COX10: variants seen among roughly 807,000 people sequenced by gnomAD.
COX10 encodes protoheme IX farnesyltransferase, mitochondrial.
COX10 carries 27 observed loss-of-function variants against 37.3 expected under a neutral mutation model. The observed-to-expected ratio is 0.72, with a 90% CI of 0.53 to 1.00. COX10 has a LOEUF of 1.00. Ranked by LOEUF, COX10 falls within the 50% of genes least tolerant of loss-of-function variation. COX10 has a pLI of 0.00. For synonymous variants in COX10, 222 were observed against 229.1 expected (o/e 0.97, Z 0.28); for missense variants, 475 against 563.2 (o/e 0.84, Z 1.59).
intron 4 of COX10, among the ~76,000 whole-genome samples, chr17:14,145,199 G>A (rs1265649313): frequency 1.3e-5 from 2 of 148,352 alleles, no homozygotes; most frequent in East Asian, 2.0e-4. Context: ...GGGTGGGTGG[G>A]GGCGCTGTGT....
intron 4 of COX10, among the ~76,000 whole-genome samples, chr17:14,141,606 G>GAATAA (rs1272014799): frequency 1.3e-5 from 2 of 151,196 alleles, no homozygotes; most frequent in Non-Finnish European, 2.9e-5. Flanking sequence ...TCTCATTGTG[G>GAATAA]AATAAAAGTC....
intron 5 of COX10, chr17:14,182,204 G>A: frequency 3.5e-6 from 3 of 866,476 alleles, no homozygotes; most frequent in Non-Finnish European, 4.2e-6. Flanking sequence ...TGAGGTGGGA[G>A]AATCACTTGA....
chr17:14,175,083 C>CGGCGG (rs1210479535), intron 5 of COX10, among the ~76,000 whole-genome samples: 2 of 16,364 alleles, frequency 1.2e-4, no homozygotes, highest in Admixed American at 2.3e-3. Context: ...TGGGAAATAG[C>CGGCGG]GGGGGGGGGG....
intron 4 of COX10, among the ~76,000 whole-genome samples, chr17:14,106,879 A>G (rs904599022): frequency 6.6e-6 from 1 of 152,154 alleles, no homozygotes; most frequent in Non-Finnish European, 1.5e-5. Flanking sequence ...TTGACTTATA[A>G]GGTGCAAATA....
intron 4 of COX10, among the ~76,000 whole-genome samples, chr17:14,124,326 A>G (rs1916289371): frequency 6.6e-6 from 1 of 152,200 alleles, no homozygotes; most frequent in African/African-American, 2.4e-5. Flanking sequence ...TATCAAAGAT[A>G]GGGAAGTAGA....
intron 3 of COX10, among the ~76,000 whole-genome samples, chr17:14,087,296 C>T (rs16949003): frequency 0.2 from 30,497 of 151,782 alleles, 3,314 homozygotes; most frequent in East Asian, 0.38. Context: ...TCTTTTGTAC[C>T]GTAGAGTCTT....
chr17:14,086,116 T>C (rs1393294867), intron 3 of COX10, among the ~76,000 whole-genome samples: 1 of 152,166 alleles, frequency 6.6e-6, no homozygotes, highest in Non-Finnish European at 1.5e-5. Flanking sequence ...AAATGTCTTA[T>C]GTTGTTTGTG....
chr17:14,114,210 A>G (rs560323613), intron 4 of COX10, among the ~76,000 whole-genome samples: 28 of 152,286 alleles, frequency 1.8e-4, no homozygotes, highest in African/African-American at 6.3e-4. Flanking sequence ...TACATTAAGT[A>G]TGGTACTCTA....
intron 2 of COX10, among the ~76,000 whole-genome samples, chr17:14,075,986 C>T (rs1185814565): frequency 1.4e-4 from 10 of 71,226 alleles, no homozygotes; most frequent in Admixed American, 1.4e-3. Context: ...AGCGAGGCTC[C>T]ATCTCAAAAA....
chr17:14,110,468 GA>G (rs762118803), intron 4 of COX10, among the ~76,000 whole-genome samples: 2 of 152,036 alleles, frequency 1.3e-5, no homozygotes, highest in Non-Finnish European at 2.9e-5. Context: ...ATACAATGTG[GA>G]CTTGGGGAGT....
intron 3 of COX10, among the ~76,000 whole-genome samples, chr17:14,079,244 A>G (rs1020293901): frequency 6.6e-6 from 1 of 152,280 alleles, no homozygotes; most frequent in Non-Finnish European, 1.5e-5. Context: ...TTTCCAAATA[A>G]GTATAGGTGA....
rs554186557 is a variant in COX10 at position 14,121,952 on chromosome 17, G to C, written c.624+19710G>C. ...CATGTGCATGTGTGTGGTGTGGAGA[G>C]GCCTAGAATGTCAGATGGCAAAAAG... On this transcript the variant is annotated intron_variant, in intron 4 of 6. Transcript: ENST00000261643. Among the ~76,000 whole-genome samples the C allele has an allele frequency of 4.6e-5, 7 of 152,204 alleles. No individual in the cohort carries two copies. The East Asian group carries it at 1.2e-3, about 25-fold the overall frequency.
intron 6 of COX10, among the ~76,000 whole-genome samples, chr17:14,196,375 C>A (rs769299290): frequency 6.6e-6 from 1 of 152,100 alleles, no homozygotes; most frequent in Non-Finnish European, 1.5e-5. Context: ...CCAAACTGGT[C>A]CCAGATGACT....
chr17:14,144,196 A>C (rs1386106886), intron 4 of COX10, among the ~76,000 whole-genome samples: 1 of 152,116 alleles, frequency 6.6e-6, no homozygotes. Context: ...TTTATTGATT[A>C]GTATGTGGTA....
At chr17:14,133,188 G>A (rs1335683534) in intron 4 of COX10, among the ~76,000 whole-genome samples, 1 of 151,590 alleles carries the variant, frequency 6.6e-6, no homozygotes, top group Non-Finnish European at 1.5e-5. Flanking sequence ...AGTCAACTGT[G>A]ATTGTATTTT....
At chr17:14,073,831 A>C (rs951042673) in intron 1 of COX10, among the ~76,000 whole-genome samples, 6 of 152,166 alleles carry the variant, frequency 3.9e-5, no homozygotes, top group Non-Finnish European at 7.3e-5. Context: ...GATACAATAA[A>C]AATAGTTTAT....
chr17:14,172,585 T>C (rs1320983654), intron 5 of COX10, among the ~76,000 whole-genome samples: 1 of 145,230 alleles, frequency 6.9e-6, no homozygotes, highest in Non-Finnish European at 1.5e-5. Flanking sequence ...TTTCTTTTTT[T>C]TTTTTTTTTT....
intron 3 of COX10, among the ~76,000 whole-genome samples, chr17:14,086,841 G>A (rs1017152644): frequency 2.6e-5 from 4 of 151,954 alleles, no homozygotes; most frequent in Non-Finnish European, 4.4e-5. Context: ...GTATTCCATA[G>A]TATAGATATA....
chr17:14,154,472 A>G (rs1316746173), intron 4 of COX10, among the ~76,000 whole-genome samples: 1 of 152,194 alleles, frequency 6.6e-6, no homozygotes, highest in Non-Finnish European at 1.5e-5. Context: ...ATTTATATGA[A>G]TTCACATAAA....
Sources: gnomAD v4.1 joint callset for allele counts (sites outside exome capture counted in the v4.1 genomes callset) on GRCh38, gnomAD v4.1.1 for gene constraint, MANE v1.5 for transcripts, NCBI Gene and HGNC (gene_info 2026-07-23, HGNC 2026-07-21) for gene names.